The following XBP1 variants were observed in gnomAD, a reference collection of about 807,000 sequenced individuals.
The protein encoded by XBP1 is X-box binding protein 1, also known as X-box-binding protein 1.
A neutral mutation model predicts 34.6 loss-of-function variants in XBP1; 18 were observed. The ratio of observed to expected loss-of-function variants is 0.52; its 90% CI spans 0.36 to 0.77. The LOEUF is 0.77. Ranked by LOEUF, XBP1 falls within the 30% of genes least tolerant of loss-of-function variation. The probability of loss-of-function intolerance (pLI) is 0.00; values close to 1 mark genes in which losing one functional copy is unlikely to be tolerated. For synonymous variants in XBP1, 191 were observed against 193.4 expected (o/e 0.99, Z 0.11); for missense variants, 422 against 464.6 (o/e 0.91, Z 0.84).
chr22:28,800,535 T>TCC, upstream of XBP1: 1 of 1,480,730 alleles, frequency 6.8e-7, no homozygotes, highest in Non-Finnish European at 8.9e-7. Context: ...AGCTCCAGAC[T>TCC]ACGCACCGCG....
intron 5 of XBP1, 31 bp downstream of exon 5, chr22:28,796,016 T>C (rs371829703): frequency 1.1e-4 from 172 of 1,613,386 alleles, no homozygotes; most frequent in Middle Eastern, 3.3e-4. Context: ...ACTGGTTATA[T>C]AGCTCTTTAA....
intron 1 of XBP1, chr22:28,799,999 C>A (rs1394722075): frequency 2.6e-6 from 2 of 779,452 alleles, no homozygotes; most frequent in Non-Finnish European, 4.8e-6. Flanking sequence ...CAGTCTGCGG[C>A]CACACAGCAA....
At chr22:28,799,911 G>C (rs771777239) in intron 1 of XBP1, 3 of 770,114 alleles carry the variant, frequency 3.9e-6, no homozygotes, top group Admixed American at 3.5e-5. Context: ...TGTTATTTCA[G>C]CTCCGCGCCT....
intron 3 of XBP1, chr22:28,796,818 C>A: frequency 3.7e-6 from 1 of 271,792 alleles, no homozygotes; most frequent in Non-Finnish European, 6.8e-6. Context: ...TTGGCTACTG[C>A]ATTTGTTAGT....
chr22:28,796,475 A>C, intron 3 of XBP1: 1 of 265,034 alleles, frequency 3.8e-6, no homozygotes, highest in Non-Finnish European at 7.1e-6. Flanking sequence ...GAGGACTTAA[A>C]AGTGGAAATA....
rs1043832393 is a variant in XBP1 at position 28,796,999 on chromosome 22, G to A, written c.453+78C>T. Reference sequence around the variant, plus strand: ...AAGAACGCTCTTGATCAGAAGTCCAGACTGTAAACATAATCGCTGGGTCAT... The same window carrying A: ...AAGAACGCTCTTGATCAGAAGTCCAAACTGTAAACATAATCGCTGGGTCAT... On this transcript the variant is annotated intron_variant, in intron 3 of 5. Transcript: ENST00000344347. The A allele has an allele frequency of 4.6e-6, 7 of 1,511,824 alleles. No homozygotes were observed. In the African/African-American group the frequency reaches 9.8e-5, roughly 21 times the overall value. The allele number at this position is 1,511,824 out of a possible 1,614,324, so 93.7% of individuals were successfully genotyped here.
At chr22:28,799,194 CCTTA>C in intron 1 of XBP1, 41 bp from the exon 2 acceptor site, 1 of 1,498,130 alleles carries the variant, frequency 6.7e-7, no homozygotes, top group Non-Finnish European at 9.2e-7. Flanking sequence ...TCATATCAAA[CCTTA>C]TTTATGTCTT....
exon 1 of XBP1, chr22:28,800,385 C>G (rs1222999763): frequency 1.3e-6 from 2 of 1,536,224 alleles, no homozygotes; most frequent in Non-Finnish European, 8.7e-7. Context: ...TGCCTCCGGG[C>G]TGGCCCCTCT....
At chr22:28,799,086 C>T (rs776643739) in exon 2 of XBP1, 4 of 1,614,186 alleles carry the variant, frequency 2.5e-6, no homozygotes, top group South Asian at 2.2e-5. Context: ...ACTTGCTGTT[C>T]CAGCTCACTC....
chr22:28,795,610 T>G (rs1424640486), exon 6 of XBP1: 1 of 1,614,104 alleles, frequency 6.2e-7, no homozygotes, highest in Non-Finnish European at 8.5e-7. Flanking sequence ...GGGAGGCTGG[T>G]AAGGAACTGG....
intron 2 of XBP1, among the ~76,000 whole-genome samples, chr22:28,798,610 ACT>A (rs1491175923): frequency 8.8e-6 from 1 of 113,886 alleles, no homozygotes; most frequent in Non-Finnish European, 1.7e-5. Flanking sequence ...TGCCCAGCAA[ACT>A]TTTTTTTTTT....
At chr22:28,796,835 T>C (rs1206373731) in intron 3 of XBP1, 1 of 312,874 alleles carries the variant, frequency 3.2e-6, no homozygotes, top group Non-Finnish European at 5.8e-6. Context: ...TAGTACTTGT[T>C]CTTAGGGAGC....
At position 28,799,051 on chromosome 22, in the gene XBP1, T is replaced by C. The variant is rs1389897073; in HGVS notation, c.324+6A>G. On this transcript the variant is annotated splice_donor_region_variant and intron_variant, in intron 2 of 5. Transcript: ENST00000344347. ...GATAAAAGAGTTTGACCTTAAGTAG[T>C]TTTACCTCTTCTTCTAAATCTACCA... is the stretch of plus-strand genomic sequence containing the variant. 1 of 1,611,522 alleles carries C rather than the reference T, an allele frequency of 6.2e-7. No individual in the cohort carries two copies. Among genetic ancestry groups the C allele is most frequent in the East Asian group, 2.2e-5 (1 of 44,862 alleles).
intron 5 of XBP1, 33 bp from the exon 6 acceptor site, chr22:28,795,765 T>C: frequency 6.6e-7 from 1 of 1,512,382 alleles, no homozygotes. Flanking sequence ...GAAGTACAAC[T>C]GTCAGAATAC....
intron 2 of XBP1, among the ~76,000 whole-genome samples, chr22:28,797,510 G>T (rs555655581): frequency 2.6e-5 from 4 of 152,166 alleles, no homozygotes; most frequent in African/African-American, 9.6e-5. Context: ...GCCAGGCTCG[G>T]TGGCTCACAC....
At chr22:28,800,050 C>G (rs1276844152) in intron 1 of XBP1, 3 of 773,792 alleles carry the variant, frequency 3.9e-6, no homozygotes, top group Non-Finnish European at 7.2e-6. Flanking sequence ...CAGCTCTGGT[C>G]ATCTCTAACG....
At chr22:28,800,235 G>A (rs2031852459) in intron 1 of XBP1, 63 bp downstream of exon 1, 7 of 1,516,940 alleles carry the variant, frequency 4.6e-6, no homozygotes, top group Non-Finnish European at 6.2e-6. Context: ...CCCAGCCCCT[G>A]CCCCTGCCCC....
rs1312529668 is a variant in XBP1 at position 28,795,647 on chromosome 22, T to A, written c.659A>T (p.Glu220Val). 6.2e-7 allele frequency: 1 copy of A among 1,604,948 alleles called. No homozygotes were observed. Among genetic ancestry groups the A allele is most frequent in the African/African-American group, 1.3e-5 (1 of 74,454 alleles). Residue 220 changes from glutamate (E) to valine (V), a missense_variant, in exon 6 of 6, where the codon GAG becomes GTG. Glu to Val is a moderately radical substitution (Grantham distance 121). Coordinates refer to ENST00000344347, the Ensembl canonical transcript of XBP1. Reference sequence around the variant, plus strand: ...TCCTTCTGGGTAGACCTCTGGGAGCTCCTCCAGGCTGGCAGGCTCTGGGGA... The same window carrying A: ...TCCTTCTGGGTAGACCTCTGGGAGCACCTCCAGGCTGGCAGGCTCTGGGGA...
chr22:28,798,760 C>T lies in XBP1; in HGVS notation c.324+297G>A, dbSNP rs564880987. The T allele has an allele frequency of 7.9e-4, 167 of 211,930 alleles. 1 individual carries two copies. Among genetic ancestry groups the T allele is most frequent in the South Asian group, 7.5e-3 (92 of 12,298 alleles). The allele number at this position is 211,930 out of a possible 1,614,324, so 13.1% of individuals were successfully genotyped here. A position where few individuals can be genotyped will look rare whatever the true frequency, so the allele number is the denominator to read the frequency against. On this transcript the variant is annotated intron_variant, in intron 2 of 5. Coordinates refer to ENST00000344347, the Ensembl canonical transcript of XBP1. Reference sequence around the variant, plus strand: ...GAGTAGCTGGGACTACAGGCACTCACGCTTGGCCTTTTTTTTTTTTTTTTT... The same window carrying T: ...GAGTAGCTGGGACTACAGGCACTCATGCTTGGCCTTTTTTTTTTTTTTTTT...
Sources: gnomAD v4.1 joint callset for allele counts (sites outside exome capture counted in the v4.1 genomes callset) on GRCh38, gnomAD v4.1.1 for gene constraint, MANE v1.5 for transcripts, NCBI Gene and HGNC (gene_info 2026-07-23, HGNC 2026-07-21) for gene names.